Variants in TFCP2L1 observed in about 807,000 individuals in gnomAD.
TFCP2L1 encodes transcription factor CP2-like protein 1.
Under a neutral mutation model 72.2 loss-of-function variants are expected in TFCP2L1, and 12 were observed. The ratio of observed to expected loss-of-function variants is 0.17; its 90% CI spans 0.11 to 0.27. The LOEUF (loss-of-function observed/expected upper bound fraction) is 0.27. TFCP2L1 is among the 10% of genes least tolerant of loss of function. The probability of loss-of-function intolerance (pLI) is 1.00; values close to 1 mark genes in which losing one functional copy is unlikely to be tolerated. For missense variants in TFCP2L1, 488 were observed against 624.6 expected (o/e 0.78, Z 2.33); for synonymous variants, 260 against 251.0 (o/e 1.04, Z -0.34).
intron 2 of TFCP2L1, among the ~76,000 whole-genome samples, chr2:121,266,855 G>T (rs1425014109): frequency 6.9e-6 from 1 of 145,156 alleles, no homozygotes; most frequent in Non-Finnish European, 1.5e-5. Context: ...CCAAAATACA[G>T]ATGATTTTAA....
At chr2:121,284,075 G>T (rs923215843) in intron 1 of TFCP2L1, among the ~76,000 whole-genome samples, 2 of 152,210 alleles carry the variant, frequency 1.3e-5, no homozygotes, top group African/African-American at 4.8e-5. Flanking sequence ...TACAAATAAC[G>T]TTTTAAGATC....
chr2:121,224,061 C>A lies in TFCP2L1; in HGVS notation c.*280G>T. On this transcript the variant is annotated 3_prime_UTR_variant, in exon 15 of 15. Coordinates refer to ENST00000263707, the MANE Select transcript of TFCP2L1 (RefSeq NM_014553.3). ...CAGAGCAGACGTCTCCACTGTTTGC[C>A]CTTTTAGAACGTCAGGGTTGGACCA... The A allele has an allele frequency of 2.0e-6, 1 of 499,376 alleles. No individual in the cohort carries two copies. The highest frequency in any genetic ancestry group is 3.6e-6 in the Non-Finnish European group (1 of 278,692). 30.9% of individuals were successfully genotyped at this position (499,376 alleles called of 1,614,324 possible).
chr2:121,234,484 G>A (rs1469756447), intron 11 of TFCP2L1, among the ~76,000 whole-genome samples: 1 of 152,214 alleles, frequency 6.6e-6, no homozygotes, highest in Admixed American at 6.5e-5. Flanking sequence ...CTCAGAACAT[G>A]CGTAACTCAT....
Position 121,239,575 on chromosome 2 carries a change from G to C in TFCP2L1, c.843C>G (p.Ser281Arg), listed in dbSNP as rs773161825. 1.2e-6 allele frequency: 2 copies of C among 1,614,078 alleles called. No homozygotes were observed. Among genetic ancestry groups the C allele is most frequent in the Admixed American group, 3.3e-5 (2 of 60,006 alleles). ...PSPSYNGSPN[S>R]FGLGEGNASP... is the part of the protein sequence containing the mutation. ...GGACGTACCCTTCGCCGAGGCCAAAGCTGTTTGGAGAACCATTGTAGCTTG... is the reference window on the plus strand; with the variant it reads ...GGACGTACCCTTCGCCGAGGCCAAACCTGTTTGGAGAACCATTGTAGCTTG... The change falls in exon 8 of 15, where the codon AGC (serine) becomes AGG (arginine). Residue 281 changes from serine to arginine, a missense_variant. Ser to Arg is a moderately radical substitution (Grantham distance 110, BLOSUM62 -1). Transcript: ENST00000263707.
chr2:121,249,108 G>A (rs1183184092), intron 3 of TFCP2L1, 21 bp from the exon 4 acceptor site: 1 of 1,526,252 alleles, frequency 6.6e-7, no homozygotes, highest in Non-Finnish European at 8.8e-7. Context: ...AGGCCAGCAG[G>A]GAAACAAGTG....
intron 5 of TFCP2L1, 58 bp downstream of exon 5, chr2:121,248,106 A>C: frequency 6.7e-7 from 1 of 1,502,806 alleles, no homozygotes; most frequent in Non-Finnish European, 9.1e-7. Context: ...GAGAAACTGC[A>C]CGCAGGCCAC....
chr2:121,240,054 G>A (rs1686336053), intron 7 of TFCP2L1: 5 of 985,194 alleles, frequency 5.1e-6, no homozygotes, highest in Admixed American at 6.2e-5. Context: ...CTGGACCACA[G>A]GCAACTTCCA....
At position 121,222,073 on chromosome 2, in the gene TFCP2L1, CAG is replaced by C. The variant is rs1685938630; in HGVS notation, c.*2266_*2267del. 1 of 152,148 alleles carries C rather than the reference CAG, an allele frequency of 6.6e-6. No individual in the cohort carries two copies. The highest frequency in any genetic ancestry group is 6.5e-5 in the Admixed American group (1 of 15,272). 9.4% of individuals were successfully genotyped at this position (152,148 alleles called of 1,614,324 possible). A position where few individuals can be genotyped will look rare whatever the true frequency, so the allele number is the denominator to read the frequency against. ...AAAGACACTCAGCATCAGTTGCCAT[CAG>C]GGGAATGCAAATCAAAACCACAAGA... On this transcript the variant is annotated 3_prime_UTR_variant, in exon 15 of 15. Coordinates refer to ENST00000263707, the MANE Select transcript of TFCP2L1 (RefSeq NM_014553.3).
intron 6 of TFCP2L1, among the ~76,000 whole-genome samples, chr2:121,244,214 T>C (rs1265723001): frequency 1.3e-5 from 2 of 152,220 alleles, no homozygotes; most frequent in Admixed American, 6.5e-5. Context: ...GCACTGGGCC[T>C]TGATGAGGCC....
chr2:121,279,704 G>A (rs1376993291), intron 2 of TFCP2L1, among the ~76,000 whole-genome samples: 3 of 152,226 alleles, frequency 2.0e-5, no homozygotes, highest in African/African-American at 4.8e-5. Flanking sequence ...AAAGTTCGCG[G>A]AGAGGAAGCT....
At chr2:121,278,329 C>T (rs1687188837) in intron 2 of TFCP2L1, among the ~76,000 whole-genome samples, 1 of 149,934 alleles carries the variant, frequency 6.7e-6, no homozygotes, top group South Asian at 2.1e-4. Context: ...AGCCACTGCG[C>T]CCGGCCCTTT....
chr2:121,243,048 G>A (rs989252774), intron 6 of TFCP2L1, among the ~76,000 whole-genome samples: 1 of 152,224 alleles, frequency 6.6e-6, no homozygotes, highest in African/African-American at 2.4e-5. Flanking sequence ...GGAAACTGAG[G>A]CTCAAGGGGT....
chr2:121,237,291 A>C (rs550866673), intron 10 of TFCP2L1, among the ~76,000 whole-genome samples: 6 of 152,324 alleles, frequency 3.9e-5, no homozygotes, highest in Admixed American at 2.6e-4. Context: ...TAGGAAAAGC[A>C]TAAGGGGCCC....
intron 1 of TFCP2L1, among the ~76,000 whole-genome samples, chr2:121,283,304 C>T (rs769558913): frequency 2.0e-5 from 3 of 151,994 alleles, no homozygotes; most frequent in African/African-American, 7.3e-5. Context: ...AGTGAGGAGA[C>T]GACCAAAAAT....
At chr2:121,274,934 CCT>C (rs936255867) in intron 2 of TFCP2L1, among the ~76,000 whole-genome samples, 3 of 150,584 alleles carry the variant, frequency 2.0e-5, no homozygotes, top group Non-Finnish European at 3.0e-5. Flanking sequence ...GCAAGAAGAC[CCT>C]GTCTCAAAAA....
chr2:121,243,205 C>T (rs1450673710), intron 6 of TFCP2L1, among the ~76,000 whole-genome samples: 3 of 152,346 alleles, frequency 2.0e-5, no homozygotes, highest in African/African-American at 7.2e-5. Context: ...GCCTACTTGG[C>T]GAAGTCAGAT....
rs1685898073 is a variant in TFCP2L1 at position 121,219,841 on chromosome 2, T to C, written c.*4500A>G. On this transcript the variant is annotated 3_prime_UTR_variant, in exon 15 of 15. Transcript: ENST00000263707. Reference sequence around the variant, plus strand: ...TTCATTTCATGGCAGGTTGGTGCCATCTTCAGAGATCACCAAGCCTGTATT... The same window carrying C: ...TTCATTTCATGGCAGGTTGGTGCCACCTTCAGAGATCACCAAGCCTGTATT... 1 of 152,076 alleles carries C rather than the reference T, an allele frequency of 6.6e-6. No homozygotes were observed. The highest frequency in any genetic ancestry group is 1.5e-5 in the Non-Finnish European group (1 of 68,030). 9.4% of individuals were successfully genotyped at this position (152,076 alleles called of 1,614,324 possible). A position where few individuals can be genotyped will look rare whatever the true frequency, so the allele number is the denominator to read the frequency against.
chr2:121,263,424 A>G (rs1686863111), intron 2 of TFCP2L1, among the ~76,000 whole-genome samples: 1 of 151,662 alleles, frequency 6.6e-6, no homozygotes, highest in Non-Finnish European at 1.5e-5. Flanking sequence ...ACAAGCAAAA[A>G]GCCGAAAGAA....
In TFCP2L1 at chr2:121,221,216, C is replaced by A. The variant is rs1446262087; in HGVS notation, c.*3125G>T. 1 of 152,142 alleles carries A rather than the reference C, an allele frequency of 6.6e-6. No individual in the cohort carries two copies. The highest frequency in any genetic ancestry group is 1.5e-5 in the Non-Finnish European group (1 of 68,042). The allele number at this position is 152,142 out of a possible 1,614,324, so 9.4% of individuals were successfully genotyped here. A position where few individuals can be genotyped will look rare whatever the true frequency, so the allele number is the denominator to read the frequency against. Reference sequence around the variant, plus strand: ...GATTCAGTTTCCTCATGACTCATAACAGGAAATCATTGGTCTCAACCTTCC... The same window carrying A: ...GATTCAGTTTCCTCATGACTCATAAAAGGAAATCATTGGTCTCAACCTTCC... On this transcript the variant is annotated 3_prime_UTR_variant, in exon 15 of 15. Transcript: ENST00000263707.
Sources: gnomAD v4.1 joint callset for allele counts (sites outside exome capture counted in the v4.1 genomes callset) on GRCh38, gnomAD v4.1.1 for gene constraint, MANE v1.5 for transcripts, NCBI Gene and HGNC (gene_info 2026-07-23, HGNC 2026-07-21) for gene names.